The following RAPGEF1 variants were observed in gnomAD, a reference collection of about 807,000 sequenced individuals.
The protein encoded by RAPGEF1 is Rap guanine nucleotide exchange factor 1.
RAPGEF1 carries 33 observed loss-of-function variants against 143.3 expected under a neutral mutation model. The ratio of observed to expected loss-of-function variants is 0.23; its 90% CI spans 0.17 to 0.31. The LOEUF (loss-of-function observed/expected upper bound fraction) is 0.31, where lower values mean the gene tolerates loss of function less well. Ranked by LOEUF, RAPGEF1 falls within the 10% of genes least tolerant of loss-of-function variation. The pLI, the probability that RAPGEF1 is intolerant of heterozygous loss-of-function variation, is 1.00. For synonymous variants in RAPGEF1, 629 were observed against 676.5 expected (o/e 0.93, Z 1.09); for missense variants, 1,199 against 1,645.4 (o/e 0.73, Z 4.69).
At chr9:131,714,804 C>A (rs1179353739) in intron 1 of RAPGEF1, among the ~76,000 whole-genome samples, 1 of 150,452 alleles carries the variant, frequency 6.6e-6, no homozygotes, top group Non-Finnish European at 1.5e-5. Context: ...AACTGCTGGG[C>A]TCAAGCAATC....
chr9:131,653,315 A>G (rs566184183), intron 1 of RAPGEF1, among the ~76,000 whole-genome samples: 1 of 152,386 alleles, frequency 6.6e-6, no homozygotes, highest in South Asian at 2.1e-4. Flanking sequence ...CTGCATTATT[A>G]CACTGTTATT....
intron 1 of RAPGEF1, among the ~76,000 whole-genome samples, chr9:131,738,984 C>T (rs1837584074): frequency 6.6e-6 from 1 of 152,184 alleles, no homozygotes. Flanking sequence ...GGAGCACCCG[C>T]CCACTTCACC....
chr9:131,668,202 C>T (rs1412019032), intron 1 of RAPGEF1, among the ~76,000 whole-genome samples: 1 of 152,168 alleles, frequency 6.6e-6, no homozygotes, highest in Non-Finnish European at 1.5e-5. Flanking sequence ...CAGACTCGCT[C>T]CTCTTATAAA....
At chr9:131,582,524 T>TGCTGGAGC in intron 25 of RAPGEF1, 81 bp downstream of exon 25, 1 of 1,055,442 alleles carries the variant, frequency 9.5e-7, no homozygotes, top group Admixed American at 3.0e-5. Context: ...AAGATTTCTC[T>TGCTGGAGC]GCTGGAGCCT....
intron 1 of RAPGEF1, among the ~76,000 whole-genome samples, chr9:131,657,035 T>C (rs971665303): frequency 1.3e-5 from 2 of 152,238 alleles, no homozygotes; most frequent in African/African-American, 2.4e-5. Context: ...CAGCACTAAC[T>C]AGGACAGTAT....
chr9:131,682,282 A>T (rs957001293), intron 1 of RAPGEF1, among the ~76,000 whole-genome samples: 1 of 152,236 alleles, frequency 6.6e-6, no homozygotes, highest in African/African-American at 2.4e-5. Flanking sequence ...GTGTCACTCT[A>T]AGTTTGATAT....
intron 12 of RAPGEF1, among the ~76,000 whole-genome samples, chr9:131,608,131 G>T (rs1056414754): frequency 6.6e-6 from 1 of 152,168 alleles, no homozygotes; most frequent in East Asian, 1.9e-4. Flanking sequence ...TCTTTAAAAC[G>T]GGGATGAAAA....
At chr9:131,607,282 T>C (rs1469399491) in intron 12 of RAPGEF1, among the ~76,000 whole-genome samples, 1 of 152,162 alleles carries the variant, frequency 6.6e-6, no homozygotes, top group African/African-American at 2.4e-5. Flanking sequence ...TTTCAGGAGC[T>C]CGGGGGGCAG....
chr9:131,664,064 A>G (rs1469721737), intron 1 of RAPGEF1, among the ~76,000 whole-genome samples: 69 of 152,272 alleles, frequency 4.5e-4, no homozygotes, highest in Non-Finnish European at 1.9e-4. Flanking sequence ...TCAGTGTGTT[A>G]TAATCCATTA....
intron 1 of RAPGEF1, among the ~76,000 whole-genome samples, chr9:131,668,709 C>A (rs1215531731): frequency 6.6e-6 from 1 of 152,246 alleles, no homozygotes; most frequent in African/African-American, 2.4e-5. Context: ...ATGAAAACCA[C>A]AGACTTCATA....
At chr9:131,591,986 C>T (rs1954359250) in intron 18 of RAPGEF1, 113 bp downstream of exon 18, 2 of 779,944 alleles carry the variant, frequency 2.6e-6, no homozygotes. Context: ...TTCAATCACA[C>T]TGCCACCCAA....
At chr9:131,602,204 C>G in intron 14 of RAPGEF1, 55 bp from the exon 15 acceptor site, 2 of 1,354,440 alleles carry the variant, frequency 1.5e-6, no homozygotes, top group East Asian at 2.5e-5. Flanking sequence ...CGGGGCTGCT[C>G]TGTCTTCCCA....
chr9:131,673,784 C>A (rs1030335960), intron 1 of RAPGEF1, among the ~76,000 whole-genome samples: 2 of 152,110 alleles, frequency 1.3e-5, no homozygotes, highest in Non-Finnish European at 1.5e-5. Flanking sequence ...CACCAGTGAC[C>A]GTGAAGAAAA....
At chr9:131,697,137 G>A (rs971561566) in intron 1 of RAPGEF1, among the ~76,000 whole-genome samples, 1 of 152,222 alleles carries the variant, frequency 6.6e-6, no homozygotes, top group African/African-American at 2.4e-5. Context: ...TGAGCTTGCT[G>A]AAAGCGCAGC....
At chr9:131,595,915 A>T (rs1159726474) in intron 17 of RAPGEF1, among the ~76,000 whole-genome samples, 1 of 152,212 alleles carries the variant, frequency 6.6e-6, no homozygotes. Flanking sequence ...AATGGTCTGC[A>T]ACAATAGAGT....
intron 25 of RAPGEF1, 124 bp from the exon 26 acceptor site, chr9:131,580,515 G>C: frequency 8.5e-7 from 1 of 1,179,276 alleles, no homozygotes; most frequent in Non-Finnish European, 1.2e-6. Context: ...AAACCAAAGA[G>C]CCAGTCTGAG....
rs1046960154 is a variant in RAPGEF1, at chr9:131,621,625, T to C, written c.1905+171A>G. On this transcript the variant is annotated intron_variant, in intron 11 of 26. Coordinates refer to ENST00000683357, the MANE Select transcript of RAPGEF1 (RefSeq NM_001377935.1). This position sits in a 1 kb window ranked among gnomAD's most constrained non-coding sequence, Gnocchi z 4.5. ...GTGGGCGCTGGGCTGCTGGTGAGCA[T>C]CTAAGGAGGAAGTAAAAGCATCTGT... 1.1e-4 allele frequency among the ~76,000 whole-genome samples: 17 copies of C among 152,168 alleles called. No individual in the cohort carries two copies. The highest frequency in any genetic ancestry group is 3.9e-4 in the African/African-American group (16 of 41,504).
At chr9:131,611,664 A>AT (rs1235633206) in intron 12 of RAPGEF1, among the ~76,000 whole-genome samples, 1 of 152,178 alleles carries the variant, frequency 6.6e-6, no homozygotes, top group Non-Finnish European at 1.5e-5. Context: ...TCTGACAACT[A>AT]TTTTTACTCA....
At chr9:131,631,730 G>C (rs1322367792) in intron 5 of RAPGEF1, among the ~76,000 whole-genome samples, 2 of 152,236 alleles carry the variant, frequency 1.3e-5, no homozygotes, top group Non-Finnish European at 2.9e-5. Flanking sequence ...AAGGCAAAGA[G>C]TCAGTTACCA....
Sources: gnomAD v4.1 joint callset for allele counts (sites outside exome capture counted in the v4.1 genomes callset) on GRCh38, gnomAD v4.1.1 for gene constraint, Gnocchi (gnomAD v3.1) non-coding constraint, MANE v1.5 for transcripts, NCBI Gene and HGNC (gene_info 2026-07-23, HGNC 2026-07-21) for gene names.